KDM7A: variants seen among roughly 807,000 people sequenced by gnomAD.
The protein encoded by KDM7A is lysine demethylase 7A.
Under a neutral mutation model 114.8 loss-of-function variants are expected in KDM7A, and 28 were observed. The observed-to-expected ratio is 0.24, with a 90% CI of 0.18 to 0.33. The LOEUF (loss-of-function observed/expected upper bound fraction) is 0.33. KDM7A is among the 10% of genes least tolerant of loss of function. KDM7A has a pLI of 1.00. For missense variants in KDM7A, 942 were observed against 1,142.5 expected, an observed-to-expected ratio of 0.82 and a Z score of 2.53; for synonymous variants, 423 against 397.8, an observed-to-expected ratio of 1.06 and a Z score of -0.75.
At chr7:140,166,919 G>A (rs532710189) in intron 1 of KDM7A, among the ~76,000 whole-genome samples, 2 of 152,084 alleles carry the variant, frequency 1.3e-5, no homozygotes, top group East Asian at 3.9e-4. Flanking sequence ...CAAAGTAGTA[G>A]AATATAAAAG....
intron 1 of KDM7A, among the ~76,000 whole-genome samples, chr7:140,148,804 T>C (rs115274213): frequency 0.02 from 2,986 of 152,326 alleles, 85 homozygotes; most frequent in African/African-American, 0.068. Flanking sequence ...TATTATTTTC[T>C]TGCTGACATA....
At chr7:140,136,263 G>A (rs1311066526) in intron 2 of KDM7A, among the ~76,000 whole-genome samples, 1 of 152,170 alleles carries the variant, frequency 6.6e-6, no homozygotes, top group African/African-American at 2.4e-5. Flanking sequence ...GATAACATAG[G>A]TTAAGTACTT....
At position 140,087,589 on chromosome 7, in the gene KDM7A, AATTG is replaced by A. The variant is rs796271142; in HGVS notation, c.*3501_*3504del. The stretch of plus-strand genomic sequence containing the variant: ...GTATGAAGTGTTAAGAGATTTTCTT[AATTG>A]ATTATCATAATAAACACTTTAATCC... On this transcript the variant is annotated 3_prime_UTR_variant, in exon 20 of 20. Coordinates refer to ENST00000397560, the MANE Select transcript of KDM7A (RefSeq NM_030647.2). 67 of 152,358 alleles carry A rather than the reference AATTG, an allele frequency of 4.4e-4. No individual in the cohort carries two copies. Among genetic ancestry groups the A allele is most frequent in the African/African-American group, 1.4e-3 (58 of 41,578 alleles). The allele number at this position is 152,358 out of a possible 1,614,324, so 9.4% of individuals were successfully genotyped here.
Position 140,096,960 on chromosome 7 carries a change from C to A in KDM7A, c.2104G>T (p.Val702Leu). The A allele has an allele frequency of 6.2e-7, 1 of 1,613,474 alleles. No homozygotes were observed. Among genetic ancestry groups the A allele is most frequent in the Non-Finnish European group, 8.5e-7 (1 of 1,179,472 alleles). The change falls in exon 16 of 20, where the codon GTG becomes TTG. Residue 702 changes from valine (V) to leucine (L), a missense_variant. Physicochemically the swap from Val to Leu is conservative, Grantham distance 32. Transcript: ENST00000397560. ...ITSNFKEESN[V>L]MRNFLQKSQK... ...CTCTTTTGAAGGAAGTTCCTCATCA[C>A]ATTAGATTCCTCCTTAAAGTTGGAT...
Position 140,088,661 on chromosome 7 carries a change from C to T in KDM7A, c.*2433G>A, listed in dbSNP as rs558019141. On this transcript the variant is annotated 3_prime_UTR_variant, in exon 20 of 20. Transcript: ENST00000397560. The stretch of plus-strand genomic sequence containing the variant: ...ATTTTCACCAATTCAGAAAAAGACA[C>T]ATGGATTCTATTCAAGTGGTTCTAT... The T allele has an allele frequency of 1.0e-5, 4 of 394,162 alleles. No individual in the cohort carries two copies. The South Asian group carries it at 4.1e-4, about 40-fold the overall frequency. 24.4% of individuals were successfully genotyped at this position (394,162 alleles called of 1,614,324 possible).
Position 140,089,860 on chromosome 7 carries a change from G to T in KDM7A, c.*1234C>A, listed in dbSNP as rs878959258. 1 of 151,994 alleles carries T rather than the reference G, an allele frequency of 6.6e-6. No individual in the cohort carries two copies. Among genetic ancestry groups the T allele is most frequent in the African/African-American group, 2.4e-5 (1 of 41,400 alleles). 9.4% of individuals were successfully genotyped at this position (151,994 alleles called of 1,614,324 possible). On this transcript the variant is annotated 3_prime_UTR_variant, in exon 20 of 20. Transcript: ENST00000397560. Reference sequence around the variant, plus strand: ...CTTAAGTAATTCTTTAGAAAATTAAGAAATAAAAAAAGTAAATACACACAA... The same window carrying T: ...CTTAAGTAATTCTTTAGAAAATTAATAAATAAAAAAAGTAAATACACACAA...
At chr7:140,096,064 C>A (rs1379004230) in intron 17 of KDM7A, among the ~76,000 whole-genome samples, 3 of 152,122 alleles carry the variant, frequency 2.0e-5, no homozygotes, top group Non-Finnish European at 4.4e-5. Context: ...TCTCTAAAGG[C>A]ACAAGGAAGA....
At chr7:140,126,338 T>C (rs1441094660) in intron 6 of KDM7A, among the ~76,000 whole-genome samples, 1 of 151,650 alleles carries the variant, frequency 6.6e-6, no homozygotes, top group Non-Finnish European at 1.5e-5. Flanking sequence ...GATTAAAGGA[T>C]AATTAACTAG....
intron 1 of KDM7A, among the ~76,000 whole-genome samples, chr7:140,154,378 C>T (rs1468665822): frequency 6.6e-6 from 1 of 151,326 alleles, no homozygotes; most frequent in Non-Finnish European, 1.5e-5. Context: ...CCTGTAGCCC[C>T]AGCTACTCAG....
intron 1 of KDM7A, among the ~76,000 whole-genome samples, chr7:140,145,834 C>T (rs999028082): frequency 6.6e-6 from 1 of 152,090 alleles, no homozygotes; most frequent in African/African-American, 2.4e-5. Context: ...TCCTGAAAAA[C>T]CTAAACCAGC....
chr7:140,151,534 AT>A (rs1170097240), intron 1 of KDM7A, among the ~76,000 whole-genome samples: 1 of 152,098 alleles, frequency 6.6e-6, no homozygotes, highest in Non-Finnish European at 1.5e-5. Context: ...AGAACTGATT[AT>A]TTTTTTCTTT....
At chr7:140,142,098 T>C (rs1034674533) in intron 1 of KDM7A, among the ~76,000 whole-genome samples, 5 of 148,246 alleles carry the variant, frequency 3.4e-5, no homozygotes, top group African/African-American at 1.2e-4. Flanking sequence ...GGAAGCAAAA[T>C]AAAATTATTT....
chr7:140,102,627 C>A (rs777390732), intron 11 of KDM7A, among the ~76,000 whole-genome samples: 1 of 152,146 alleles, frequency 6.6e-6, no homozygotes, highest in East Asian at 1.9e-4. Context: ...CCTGCTTCGG[C>A]CTCCCAAAGT....
chr7:140,112,076 T>TA (rs774655280), intron 10 of KDM7A, among the ~76,000 whole-genome samples: 2 of 152,264 alleles, frequency 1.3e-5, no homozygotes. Flanking sequence ...TTTATCTTGT[T>TA]AAACAGTTTT....
Position 140,159,404 on chromosome 7 carries a change from G to C in KDM7A, c.194+17340C>G, listed in dbSNP as rs899989163. Among the ~76,000 whole-genome samples, 3 of 144,100 alleles carry C rather than the reference G, an allele frequency of 2.1e-5. No individual in the cohort carries two copies. The South Asian group carries it at 6.8e-4, about 32-fold the overall frequency. The allele number at this position is 144,100 out of a possible 152,430, so 94.5% of individuals were successfully genotyped here. A position where few individuals can be genotyped will look rare whatever the true frequency, so the allele number is the denominator to read the frequency against. ...AAGGATATATGCGTACAATTGGCAT[G>C]CTAACAAAAAAAAATGGTGAGGTAG... is the stretch of plus-strand genomic sequence containing the variant. On this transcript the variant is annotated intron_variant, in intron 1 of 19. Transcript: ENST00000397560.
intron 2 of KDM7A, among the ~76,000 whole-genome samples, chr7:140,135,502 A>T (rs1818856400): frequency 6.6e-6 from 1 of 152,188 alleles, no homozygotes; most frequent in Non-Finnish European, 1.5e-5. Context: ...CGCCCAGCCC[A>T]TAACTCCATT....
chr7:140,106,227 G>A (rs931380411), intron 11 of KDM7A, among the ~76,000 whole-genome samples: 8 of 151,408 alleles, frequency 5.3e-5, no homozygotes, highest in Admixed American at 3.3e-4. Context: ...TAATCTTTTC[G>A]AAAAACCAGC....
At chr7:140,113,759 C>T (rs74344846) in intron 9 of KDM7A, among the ~76,000 whole-genome samples, 177 bp from the exon 10 acceptor site, 8,926 of 152,062 alleles carry the variant, frequency 0.059, 337 homozygotes, top group East Asian at 0.13. Context: ...AACAGAATTA[C>T]ATTCAATGTA....
intron 8 of KDM7A, among the ~76,000 whole-genome samples, chr7:140,119,695 C>A (rs1818588251): frequency 6.6e-6 from 1 of 150,822 alleles, no homozygotes; most frequent in Non-Finnish European, 1.5e-5. Flanking sequence ...AGACAAGATC[C>A]ACACTTGGTA....
Sources: allele counts gnomAD v4.1 joint callset (sites outside exome capture counted in the v4.1 genomes callset), GRCh38; gene constraint gnomAD v4.1.1; transcripts MANE v1.5; gene names NCBI Gene and HGNC (gene_info 2026-07-23, HGNC 2026-07-21).